Variants in UBR7 observed in about 807,000 individuals in gnomAD.
UBR7 encodes the protein ubiquitin protein ligase E3 component n-recognin 7.
A neutral mutation model predicts 57.0 loss-of-function variants in UBR7; 22 were observed. The ratio of observed to expected loss-of-function variants is 0.39; its 90% CI spans 0.28 to 0.55. The LOEUF (loss-of-function observed/expected upper bound fraction) is 0.55, where lower values mean the gene tolerates loss of function less well. Ranked by LOEUF, UBR7 falls within the 20% of genes least tolerant of loss-of-function variation. The pLI is 0.69. For missense variants in UBR7, 395 were observed against 513.2 expected, an observed-to-expected ratio of 0.77 and a Z score of 2.23; for synonymous variants, 167 against 179.8, an observed-to-expected ratio of 0.93 and a Z score of 0.57.
chr14:93,227,989 AATT>A lies in UBR7; in HGVS notation c.*961_*963del, dbSNP rs1337784864. On this transcript the variant is annotated 3_prime_UTR_variant, in exon 11 of 11. Transcript: ENST00000013070. ...TGAAAATGTTATTAGAACCCCAATA[AATT>A]ATTATTTTTCCCCCTTGAATCTGCT... 2.9e-6 allele frequency: 2 copies of A among 699,386 alleles called. No homozygotes were observed. Among genetic ancestry groups the A allele is most frequent in the African/African-American group, 1.8e-5 (1 of 57,082 alleles). The allele number at this position is 699,386 out of a possible 1,614,324, so 43.3% of individuals were successfully genotyped here. A position where few individuals can be genotyped will look rare whatever the true frequency, so the allele number is the denominator to read the frequency against.
intron 3 of UBR7, among the ~76,000 whole-genome samples, chr14:93,211,680 C>G (rs1894488027): frequency 6.6e-6 from 1 of 152,022 alleles, no homozygotes; most frequent in African/African-American, 2.4e-5. Context: ...TAGTGAGACC[C>G]CATCTCTATC....
intron 2 of UBR7, among the ~76,000 whole-genome samples, chr14:93,210,319 G>A (rs530583131): frequency 5.3e-5 from 8 of 152,120 alleles, no homozygotes; most frequent in African/African-American, 1.7e-4. Context: ...TCCTGACCTC[G>A]TGATCCGCCC....
chr14:93,220,648 G>A (rs555780351), intron 9 of UBR7, among the ~76,000 whole-genome samples: 1 of 152,228 alleles, frequency 6.6e-6, no homozygotes, highest in East Asian at 1.9e-4. Context: ...CTGATTAAGG[G>A]TAGATGGATG....
At position 93,215,242 on chromosome 14, in the gene UBR7, CGTT is replaced by C; in HGVS notation, c.566_568del (p.Cys189del). ...GATGGTATGCCAGGCCTGCATGAAA[CGTT>C]GTTCTTTTTTGTGGGCTTATGCTGC... is the stretch of plus-strand genomic sequence containing the variant. On this transcript the variant is annotated inframe_deletion, in exon 6 of 11. Transcript: ENST00000013070. 5.7e-6 allele frequency: 9 copies of C among 1,588,836 alleles called. No homozygotes were observed. The highest frequency in any genetic ancestry group is 6.9e-6 in the Non-Finnish European group (8 of 1,166,816).
chr14:93,212,434 A>T (rs1198681738), intron 4 of UBR7, among the ~76,000 whole-genome samples: 1 of 152,150 alleles, frequency 6.6e-6, no homozygotes, highest in Admixed American at 6.6e-5. Context: ...AATGACCTTC[A>T]ACTTCTTTTG....
intron 10 of UBR7, among the ~76,000 whole-genome samples, chr14:93,225,283 G>A (rs1032321191): frequency 6.6e-6 from 1 of 151,846 alleles, no homozygotes. Flanking sequence ...ATGGTGGACT[G>A]CCTTTTATTT....
chr14:93,215,618 G>A (rs549520157), intron 6 of UBR7, among the ~76,000 whole-genome samples: 4 of 150,948 alleles, frequency 2.6e-5, no homozygotes. Flanking sequence ...GAACCCAGGA[G>A]GCAGAGGTTG....
intron 7 of UBR7, 55 bp downstream of exon 7, chr14:93,218,790 T>G: frequency 6.4e-7 from 1 of 1,569,908 alleles, no homozygotes; most frequent in African/African-American, 1.4e-5. Flanking sequence ...GCGCGGTGGC[T>G]CATGCCCATA....
At chr14:93,212,000 A>T (rs771246140) in intron 3 of UBR7, 32 bp from the exon 4 acceptor site, 11 of 1,490,350 alleles carry the variant, frequency 7.4e-6, no homozygotes, top group Middle Eastern at 1.7e-4. Context: ...AAATTAGACC[A>T]TATTATTATT....
intron 10 of UBR7, among the ~76,000 whole-genome samples, chr14:93,225,227 G>A (rs1894823393): frequency 6.6e-6 from 1 of 151,964 alleles, no homozygotes; most frequent in African/African-American, 2.4e-5. Flanking sequence ...TGCTTTGGTT[G>A]TATTTGTCCA....
At chr14:93,224,372 CTTTTTTTTTTTT>C (rs761189322) in intron 10 of UBR7, among the ~76,000 whole-genome samples, 4 of 93,792 alleles carry the variant, frequency 4.3e-5, no homozygotes, top group African/African-American at 2.0e-4. Context: ...CCTTACAGTT[CTTTTTTTTTTTT>C]TTTTTTTTTT....
intron 1 of UBR7, among the ~76,000 whole-genome samples, chr14:93,209,615 G>GA (rs531815940): frequency 8.1e-4 from 123 of 152,218 alleles, no homozygotes; most frequent in Non-Finnish European, 1.5e-3. Flanking sequence ...GTGCTTGCAT[G>GA]AAAAAAAGCA....
At chr14:93,223,920 G>A (rs889023438) in intron 10 of UBR7, 12 of 725,570 alleles carry the variant, frequency 1.7e-5, no homozygotes, top group Admixed American at 1.9e-5. Context: ...TTGACCCGCG[G>A]TGGGGACTTC....
chr14:93,212,032 G>T lies in UBR7; in HGVS notation c.346G>T (p.Asp116Tyr). Residue 116 changes from aspartate to tyrosine, a missense_variant and splice_region_variant, in exon 4 of 11, where the codon GAC becomes TAC. Asp to Tyr is a radical substitution (Grantham distance 160). Coordinates refer to ENST00000013070, the MANE Select transcript of UBR7 (RefSeq NM_175748.4). ...TATTGAAATCAATATTATATTTCAG[G>T]ACAAAGCAAAGGTAAATTCTGGCAA... The part of the protein sequence containing the change: ...FKNLECKLLP[D>Y]KAKVNSGNKY... 2 of 1,608,056 alleles carry T rather than the reference G, an allele frequency of 1.2e-6. No homozygotes were observed. Among genetic ancestry groups the T allele is most frequent in the South Asian group, 2.2e-5 (2 of 90,494 alleles).
At chr14:93,214,403 A>G (rs1021081618) in intron 4 of UBR7, among the ~76,000 whole-genome samples, 10 of 152,220 alleles carry the variant, frequency 6.6e-5, no homozygotes, top group African/African-American at 1.9e-4. Flanking sequence ...AAAATAGTCT[A>G]TGTCCTTTGG....
At chr14:93,214,207 G>A (rs1213638851) in intron 4 of UBR7, among the ~76,000 whole-genome samples, 8 of 152,196 alleles carry the variant, frequency 5.3e-5, no homozygotes, top group African/African-American at 9.7e-5. Context: ...GATTATAGGC[G>A]TGAGCCACCA....
In UBR7 at chr14:93,220,405, A is replaced by G. The variant is rs751320372; in HGVS notation, c.1117A>G (p.Ile373Val). 1.9e-6 allele frequency: 3 copies of G among 1,613,930 alleles called. No homozygotes were observed. Among genetic ancestry groups the G allele is most frequent in the South Asian group, 1.1e-5 (1 of 91,074 alleles). Residue 373 changes from isoleucine (I) to valine (V), a missense_variant, in exon 9 of 11, where the codon ATT becomes GTT. Coordinates refer to ENST00000013070, the MANE Select transcript of UBR7 (RefSeq NM_175748.4). ...GAATAGAGTCCAGCAAGTGGAACTC[A>G]TTTGTGGTAAATACTGTGTGTGTGT... ...SMNRVQQVEL[I>V]CEYNDLKTEL...
Position 93,228,330 on chromosome 14 carries a change from C to T in UBR7, c.*1295C>T. On this transcript the variant is annotated 3_prime_UTR_variant, in exon 11 of 11. Transcript: ENST00000013070. Reference sequence around the variant, plus strand: ...GATACATAGAGAACCCTCAGCTTCTCTCTGCCTCTGGAGGACCAAGGTCTT... The same window carrying T: ...GATACATAGAGAACCCTCAGCTTCTTTCTGCCTCTGGAGGACCAAGGTCTT... 2.2e-6 allele frequency: 1 copy of T among 455,340 alleles called. No individual in the cohort carries two copies. Among genetic ancestry groups the T allele is most frequent in the South Asian group, 1.6e-5 (1 of 64,490 alleles). 28.2% of individuals were successfully genotyped at this position (455,340 alleles called of 1,614,324 possible).
intron 10 of UBR7, chr14:93,224,029 G>T: frequency 1.1e-6 from 1 of 924,010 alleles, no homozygotes; most frequent in Non-Finnish European, 1.7e-6. Flanking sequence ...TGGCGACAAC[G>T]TGATTAGGCG....
Sources: gnomAD v4.1 joint callset for allele counts (sites outside exome capture counted in the v4.1 genomes callset) on GRCh38, gnomAD v4.1.1 for gene constraint, MANE v1.5 for transcripts, NCBI Gene and HGNC (gene_info 2026-07-23, HGNC 2026-07-21) for gene names.